Variants in BCHE observed in about 807,000 individuals in gnomAD.
BCHE encodes cholinesterase.
A neutral mutation model predicts 51.3 loss-of-function variants in BCHE; 48 were observed. The observed-to-expected ratio is 0.94, with a 90% CI of 0.74 to 1.19. The LOEUF is 1.19. Among genes scored for constraint, BCHE ranks in the 50% most tolerant of loss-of-function variants. The pLI is 0.00. For synonymous variants in BCHE, 251 were observed against 238.0 expected (o/e 1.05, Z -0.50); for missense variants, 847 against 708.2 (o/e 1.20, Z -2.23).
At chr3:165,805,794 G>A (rs1032268310) in intron 2 of BCHE, among the ~76,000 whole-genome samples, 1 of 151,546 alleles carries the variant, frequency 6.6e-6, no homozygotes, top group Non-Finnish European at 1.5e-5. Context: ...TTTTCAGTCC[G>A]ACATACGTTC....
intron 1 of BCHE, among the ~76,000 whole-genome samples, chr3:165,833,490 TA>T (rs1223208911): frequency 1.3e-5 from 2 of 152,138 alleles, no homozygotes; most frequent in Non-Finnish European, 2.9e-5. Flanking sequence ...TATGTGTATG[TA>T]AACAGAGAAA....
intron 1 of BCHE, among the ~76,000 whole-genome samples, chr3:165,834,853 TTTCTTTTAATA>T (rs1324041385): frequency 3.3e-5 from 5 of 151,844 alleles, no homozygotes; most frequent in South Asian, 4.1e-4. Flanking sequence ...TTTGATCGTT[TTTCTTTTAATA>T]AATTCTGGTG....
rs572660949 is a variant in BCHE at position 165,830,097 on chromosome 3, G to C, written c.937C>G (p.Pro313Ala). The C allele has an allele frequency of 1.2e-6, 2 of 1,613,426 alleles. No homozygotes were observed. Among genetic ancestry groups the C allele is most frequent in the Non-Finnish European group, 1.7e-6 (2 of 1,179,800 alleles). ...NEAFVVPYGT[P>A]LSVNFGPTVD... ...GTCGGACCAAAGTTTACTGACAAAG[G>C]AGTCCCATAGGGGACAACAAATGCT... Residue 313 changes from proline to alanine, a missense_variant, in exon 2 of 4, where the codon CCT becomes GCT. Physicochemically the swap from Pro to Ala is conservative, Grantham distance 27. Transcript: ENST00000264381.
At chr3:165,791,948 A>AAAAATAAAATAAAATAAAAT (rs59363319) in intron 2 of BCHE, among the ~76,000 whole-genome samples, 3,911 of 135,552 alleles carry the variant, frequency 0.029, 143 homozygotes, top group African/African-American at 0.088. Context: ...CTCCATCTCA[A>AAAAATAAAATAAAATAAAAT]AAAATAAAAT....
chr3:165,825,710 A>G (rs1714694651), intron 2 of BCHE, among the ~76,000 whole-genome samples: 1 of 151,298 alleles, frequency 6.6e-6, no homozygotes, highest in Admixed American at 6.6e-5. Context: ...CGCTCACCCC[A>G]CCCCACAACA....
At chr3:165,811,696 C>A (rs1228598436) in intron 2 of BCHE, among the ~76,000 whole-genome samples, 3 of 151,804 alleles carry the variant, frequency 2.0e-5, no homozygotes, top group Admixed American at 1.3e-4. Context: ...ATTTCCTGAG[C>A]AAGATGATAG....
intron 2 of BCHE, among the ~76,000 whole-genome samples, chr3:165,815,911 C>A (rs1385725962): frequency 1.3e-5 from 2 of 151,856 alleles, no homozygotes; most frequent in Admixed American, 6.6e-5. Flanking sequence ...TATTTTCCCC[C>A]GCTTTCTTGT....
chr3:165,825,986 T>C (rs1174926798), intron 2 of BCHE, among the ~76,000 whole-genome samples: 1 of 151,952 alleles, frequency 6.6e-6, no homozygotes. Context: ...AAATTGAAGA[T>C]TGATTAGTTG....
At chr3:165,796,985 T>A (rs1161864597) in intron 2 of BCHE, among the ~76,000 whole-genome samples, 3 of 152,130 alleles carry the variant, frequency 2.0e-5, no homozygotes, top group African/African-American at 7.2e-5. Flanking sequence ...TATAAAGGTT[T>A]GCATAATTAG....
intron 2 of BCHE, among the ~76,000 whole-genome samples, chr3:165,804,155 T>C (rs140767811): frequency 0.019 from 2,898 of 152,088 alleles, 95 homozygotes; most frequent in African/African-American, 0.066. Context: ...ATACTGATGA[T>C]TCAGAAATAA....
chr3:165,830,859 T>C lies in BCHE; in HGVS notation c.175A>G (p.Ile59Val), dbSNP rs767219925. The C allele has an allele frequency of 1.2e-6, 2 of 1,613,932 alleles. No homozygotes were observed. Among genetic ancestry groups the C allele is most frequent in the South Asian group, 1.1e-5 (1 of 91,082 alleles). ...CCAAGAGGTGGCTGTGCATAGGGAA[T>C]TCCAAGAAAGGCTGTTACCGTGCCA... The part of the protein sequence containing the change: ...FGGTVTAFLG[I>V]PYAQPPLGRL... Residue 59 changes from isoleucine to valine, a missense_variant, in exon 2 of 4, where the codon ATT becomes GTT. Physicochemically the swap from Ile to Val is conservative, Grantham distance 29. Transcript: ENST00000264381.
intron 2 of BCHE, among the ~76,000 whole-genome samples, chr3:165,787,310 A>G (rs1236658927): frequency 6.6e-6 from 1 of 151,890 alleles, no homozygotes; most frequent in East Asian, 1.9e-4. Flanking sequence ...CTACATCTGT[A>G]GATTTCCTTA....
At chr3:165,827,881 T>C in intron 2 of BCHE, 3 of 331,370 alleles carry the variant, frequency 9.1e-6, no homozygotes, top group Non-Finnish European at 1.8e-5. Flanking sequence ...GGTAATATAA[T>C]AACCCACATA....
intron 1 of BCHE, among the ~76,000 whole-genome samples, chr3:165,832,333 G>T (rs994388026): frequency 6.6e-6 from 1 of 152,004 alleles, no homozygotes; most frequent in Non-Finnish European, 1.5e-5. Context: ...TCACTCTGTC[G>T]CCAAGCTAGA....
intron 2 of BCHE, among the ~76,000 whole-genome samples, chr3:165,802,038 G>A (rs2108214694): frequency 6.6e-6 from 1 of 152,210 alleles, no homozygotes; most frequent in African/African-American, 2.4e-5. Context: ...TTTATGTTCT[G>A]TAATTTCATT....
chr3:165,777,552 C>T (rs1388080653), intron 3 of BCHE, among the ~76,000 whole-genome samples: 3 of 152,012 alleles, frequency 2.0e-5, no homozygotes, highest in Admixed American at 6.6e-5. Context: ...ATATTTATAA[C>T]GTACACATAT....
chr3:165,812,167 C>T (rs1203901496), intron 2 of BCHE, among the ~76,000 whole-genome samples: 1 of 151,774 alleles, frequency 6.6e-6, no homozygotes, highest in Non-Finnish European at 1.5e-5. Flanking sequence ...CTAAGATATA[C>T]AATTTTATCA....
At chr3:165,774,008 A>G (rs2668203) in intron 3 of BCHE, among the ~76,000 whole-genome samples, 98,149 of 151,882 alleles carry the variant, frequency 0.65, 33,335 homozygotes, top group East Asian at 0.8. Context: ...ATCCTCTCAT[A>G]CTCAAGTCCC....
At chr3:165,788,975 A>G (rs532373931) in intron 2 of BCHE, among the ~76,000 whole-genome samples, 21 of 152,314 alleles carry the variant, frequency 1.4e-4, no homozygotes, top group African/African-American at 5.0e-4. Flanking sequence ...TTCTGTCTGT[A>G]TCAATTAAAA....
Sources: allele counts gnomAD v4.1 joint callset (sites outside exome capture counted in the v4.1 genomes callset), GRCh38; gene constraint gnomAD v4.1.1; transcripts MANE v1.5; gene names NCBI Gene and HGNC (gene_info 2026-07-23, HGNC 2026-07-21).